The following TRA2B variants were observed in gnomAD, a reference collection of about 807,000 sequenced individuals.
TRA2B encodes the protein transformer-2 protein homolog beta.
In TRA2B, 14 loss-of-function variants were observed where a neutral mutation model predicts 41.7. The observed-to-expected ratio is 0.34, with a 90% CI of 0.22 to 0.53. The LOEUF is 0.53. Among genes scored for constraint, TRA2B ranks in the 20% least tolerant of loss-of-function variants. The pLI is 0.95. For synonymous variants in TRA2B, 130 were observed against 128.8 expected, an observed-to-expected ratio of 1.01 and a Z score of -0.06; for missense variants, 167 against 396.8, an observed-to-expected ratio of 0.42 and a Z score of 4.92.
intron 1 of TRA2B, among the ~76,000 whole-genome samples, chr3:185,933,280 A>G (rs958379246): frequency 6.6e-6 from 1 of 152,172 alleles, no homozygotes; most frequent in African/African-American, 2.4e-5. Context: ...ACCCCTTCCT[A>G]ACCTGGTTCC....
chr3:185,926,816 G>A, intron 1 of TRA2B, 82 bp from the exon 2 acceptor site: 19 of 1,523,870 alleles, frequency 1.2e-5, no homozygotes, highest in Non-Finnish European at 1.6e-5. Flanking sequence ...GATAAATGGT[G>A]AGGGACAGCA....
chr3:185,937,992 C>T lies in TRA2B; in HGVS notation c.-132G>A, dbSNP rs1420256622. 3 of 1,030,578 alleles carry T rather than the reference C, an allele frequency of 2.9e-6. No individual in the cohort carries two copies. In the African/African-American group the frequency reaches 4.8e-5, roughly 16 times the overall value. The allele number at this position is 1,030,578 out of a possible 1,614,324, so 63.8% of individuals were successfully genotyped here. A position where few individuals can be genotyped will look rare whatever the true frequency, so the allele number is the denominator to read the frequency against. ...CCAGCCGCTCAGAGCCGAAATGCTC[C>T]GCACCGCCTCCGCACGGGCTCTAAC... On this transcript the variant is annotated 5_prime_UTR_variant, in exon 1 of 9. Coordinates refer to ENST00000453386, the MANE Select transcript of TRA2B (RefSeq NM_004593.3).
At chr3:185,920,067 A>G (rs910145761) in intron 6 of TRA2B, among the ~76,000 whole-genome samples, 1 of 152,196 alleles carries the variant, frequency 6.6e-6, no homozygotes, top group Non-Finnish European at 1.5e-5. Flanking sequence ...ATTCTCAAAG[A>G]TATCTTTATT....
At chr3:185,922,468 T>G in intron 4 of TRA2B, 1 of 164,252 alleles carries the variant, frequency 6.1e-6, no homozygotes, top group Non-Finnish European at 1.3e-5. Context: ...TTTAAATAAC[T>G]AGGGGGAAAA....
intron 2 of TRA2B, among the ~76,000 whole-genome samples, 167 bp downstream of exon 2, chr3:185,926,434 G>A (rs1386376788): frequency 1.3e-5 from 2 of 152,158 alleles, no homozygotes; most frequent in Non-Finnish European, 2.9e-5. Context: ...AAAAGCCCAG[G>A]CTCTTAACCG....
At chr3:185,937,720 T>A in intron 1 of TRA2B, 105 bp downstream of exon 1, 1 of 1,518,878 alleles carries the variant, frequency 6.6e-7, no homozygotes, top group Non-Finnish European at 9.1e-7. Flanking sequence ...GCTTCAGACT[T>A]CGGAGCCTAA....
chr3:185,921,232 A>G (rs1195354729), intron 5 of TRA2B, 45 bp from the exon 6 acceptor site: 2 of 1,571,746 alleles, frequency 1.3e-6, no homozygotes, highest in African/African-American at 2.7e-5. Context: ...ATCTTTCTGG[A>G]CATGAGTTTT....
chr3:185,931,783 T>C, intron 1 of TRA2B: 1 of 1,502,346 alleles, frequency 6.7e-7, no homozygotes, highest in Non-Finnish European at 8.8e-7. Context: ...CACTTATTCC[T>C]GAGCTTCAAA....
intron 4 of TRA2B, 46 bp from the exon 5 acceptor site, chr3:185,922,172 C>CAGGA: frequency 7.1e-7 from 1 of 1,417,630 alleles, no homozygotes; most frequent in Non-Finnish European, 9.9e-7. Flanking sequence ...AACAAAGCCA[C>CAGGA]TAATTATCCT....
intron 6 of TRA2B, 70 bp from the exon 7 acceptor site, chr3:185,919,566 A>C: frequency 4.4e-6 from 6 of 1,348,958 alleles, no homozygotes; most frequent in Non-Finnish European, 5.1e-6. Flanking sequence ...TCATTCATTT[A>C]GTAAAATAAA....
At chr3:185,937,153 C>G in intron 1 of TRA2B, 1 of 985,520 alleles carries the variant, frequency 1.0e-6, no homozygotes, top group Non-Finnish European at 1.2e-6. Flanking sequence ...GAGAAAAGCG[C>G]TTCATTTAGG....
In TRA2B at chr3:185,923,832, G is replaced by A. The variant is rs1423838947; in HGVS notation, c.486C>T (p.Ala162=). The part of the protein sequence containing the change: ...DQQSRRSRGF[A]FVYFENVDDA... ...CATCTACATTTTCAAAATATACAAAGGCAAATCCTCTTGAACGCCTAGACT... is the reference window on the plus strand; with the variant it reads ...CATCTACATTTTCAAAATATACAAAAGCAAATCCTCTTGAACGCCTAGACT... The change falls in exon 4 of 9, where the codon GCC becomes GCT. Residue 162 remains alanine (A), a synonymous_variant. Transcript: ENST00000453386. The A allele has an allele frequency of 1.1e-5, 18 of 1,611,574 alleles. No homozygotes were observed. The highest frequency in any genetic ancestry group is 1.4e-5 in the Non-Finnish European group (16 of 1,179,352).
At chr3:185,929,695 G>A (rs994447822) in intron 1 of TRA2B, among the ~76,000 whole-genome samples, 2 of 152,036 alleles carry the variant, frequency 1.3e-5, no homozygotes, top group Non-Finnish European at 2.9e-5. Flanking sequence ...TATTTGAAAG[G>A]ACTAACCATC....
In TRA2B at chr3:185,918,453, CAAGATTGTCT is replaced by C; in HGVS notation, c.783-25_783-16del. The C allele has an allele frequency of 1.3e-6, 2 of 1,592,236 alleles. No individual in the cohort carries two copies. The highest frequency in any genetic ancestry group is 1.7e-6 in the Non-Finnish European group (2 of 1,160,702). On this transcript the variant is annotated splice_polypyrimidine_tract_variant and intron_variant, in intron 7 of 8. Transcript: ENST00000453386. ...GTGACCGCCTTCTATAAACAAATGT[CAAGATTGTCT>C]AAGTCTCAATAGATCACAATTAGAC...
In TRA2B at chr3:185,926,767, A is replaced by G. The variant is rs779882703; in HGVS notation, c.37-33T>C. On this transcript the variant is annotated intron_variant, in intron 1 of 8. Coordinates refer to ENST00000453386, the MANE Select transcript of TRA2B (RefSeq NM_004593.3). ...TAGATGTTAAAAGTTTAATTTGCAC[A>G]CTTTCTGGGCAACTTTAAAAACAAA... 1.9e-6 allele frequency: 3 copies of G among 1,610,964 alleles called. No homozygotes were observed. The Admixed American group carries it at 5.0e-5, about 27-fold the overall frequency.
At chr3:185,919,568 T>C in intron 6 of TRA2B, 72 bp from the exon 7 acceptor site, 1 of 1,341,382 alleles carries the variant, frequency 7.5e-7, no homozygotes, top group Non-Finnish European at 1.0e-6. Flanking sequence ...ATTCATTTAG[T>C]AAAATAAAAA....
In TRA2B at chr3:185,933,316, C is replaced by T. The variant is rs372980877; in HGVS notation, c.36+4509G>A. On this transcript the variant is annotated intron_variant, in intron 1 of 8. Coordinates refer to ENST00000453386, the MANE Select transcript of TRA2B (RefSeq NM_004593.3). ...TTCTCTTATAGTCTAAGAACAAAAC[C>T]ATTACTAAATTATTATAAATATTAG... Among the ~76,000 whole-genome samples, 259 of 152,264 alleles carry T rather than the reference C, an allele frequency of 1.7e-3. 1 individual carries two copies. Among genetic ancestry groups the T allele is most frequent in the African/African-American group, 5.7e-3 (237 of 41,560 alleles).
intron 1 of TRA2B, among the ~76,000 whole-genome samples, chr3:185,930,240 T>C (rs1560013418): frequency 1.3e-5 from 2 of 152,154 alleles, no homozygotes; most frequent in Non-Finnish European, 2.9e-5. Flanking sequence ...GATAAAAGAA[T>C]CCATGGGCTT....
At chr3:185,935,045 T>C (rs981493368) in intron 1 of TRA2B, 2 of 985,310 alleles carry the variant, frequency 2.0e-6, no homozygotes, top group Non-Finnish European at 2.4e-6. Context: ...AAGACCAACA[T>C]ACAAATCTCA....
Sources: gnomAD v4.1 joint callset for allele counts (sites outside exome capture counted in the v4.1 genomes callset) on GRCh38, gnomAD v4.1.1 for gene constraint, MANE v1.5 for transcripts, NCBI Gene and HGNC (gene_info 2026-07-23, HGNC 2026-07-21) for gene names.